Variants in FGF17 observed in about 807,000 individuals in gnomAD.
FGF17 encodes the protein fibroblast growth factor 17.
A neutral mutation model predicts 23.5 loss-of-function variants in FGF17; 5 were observed. That is an observed-to-expected ratio of 0.21 (90% CI 0.11 to 0.45). FGF17 has a LOEUF of 0.45. Ranked by LOEUF, FGF17 falls within the 20% of genes least tolerant of loss-of-function variation. The pLI is 0.99. For synonymous variants in FGF17, 136 were observed against 123.0 expected (o/e 1.11, Z -0.70); for missense variants, 221 against 306.9 (o/e 0.72, Z 2.09).
chr8:22,047,372 G>A (rs748116759), intron 4 of FGF17, among the ~76,000 whole-genome samples: 6 of 152,188 alleles, frequency 3.9e-5, no homozygotes, highest in East Asian at 1.9e-4. Flanking sequence ...CAAAGCACAC[G>A]GTAGGCCGGG....
intron 2 of FGF17, chr8:22,044,621 G>A: frequency 1.1e-6 from 1 of 949,064 alleles, no homozygotes; most frequent in Non-Finnish European, 1.3e-6. Context: ...CCACCCCCTG[G>A]AAGGGAGGCC....
chr8:22,039,933 G>A (rs759167421), upstream of FGF17, among the ~76,000 whole-genome samples: 1 of 152,110 alleles, frequency 6.6e-6, no homozygotes, highest in Non-Finnish European at 1.5e-5. Flanking sequence ...AGGCAGGCGT[G>A]AGACGACCCC....
At chr8:22,047,820 C>T in intron 4 of FGF17, 136 bp from the exon 5 acceptor site, 1 of 785,854 alleles carries the variant, frequency 1.3e-6, no homozygotes, top group Non-Finnish European at 2.0e-6. Context: ...TGCCATCTCA[C>T]CAGGCAGAGT....
intron 1 of FGF17, 48 bp from the exon 2 acceptor site, chr8:22,043,097 G>A: frequency 6.2e-7 from 1 of 1,609,210 alleles, no homozygotes; most frequent in Non-Finnish European, 8.5e-7. Flanking sequence ...TGCACCCTAG[G>A]CTTGCAGCTG....
intron 2 of FGF17, among the ~76,000 whole-genome samples, chr8:22,044,413 G>A (rs1001899250): frequency 2.2e-4 from 33 of 151,948 alleles, no homozygotes; most frequent in African/African-American, 7.7e-4. Context: ...CGCGGGGAGA[G>A]GGACTTGTGG....
At chr8:22,039,906 A>C (rs1800713470), upstream of FGF17, among the ~76,000 whole-genome samples, 1 of 151,946 alleles carries the variant, frequency 6.6e-6, no homozygotes, top group Non-Finnish European at 1.5e-5. Context: ...TGTTTGCACC[A>C]GCTGGGCTGT....
upstream of FGF17, chr8:22,042,670 C>T (rs991636081): frequency 1.1e-4 from 66 of 601,262 alleles, no homozygotes; most frequent in Admixed American, 2.9e-5. Context: ...CGCGCACGCC[C>T]CCACCCGCAT....
intron 4 of FGF17, 75 bp downstream of exon 4, chr8:22,046,708 C>G: frequency 1.1e-6 from 1 of 947,908 alleles, no homozygotes; most frequent in Non-Finnish European, 1.7e-6. Flanking sequence ...TCATGCTCCC[C>G]TCTCTCCTCT....
chr8:22,044,697 TGCAGAGGCTAG>T (rs1363784091), intron 2 of FGF17: 4 of 985,496 alleles, frequency 4.1e-6, no homozygotes, highest in Non-Finnish European at 3.6e-6. Context: ...GGGCAGGTCT[TGCAGAGGCTAG>T]GCAGAGGCTG....
At chr8:22,044,835 TA>T in intron 2 of FGF17, 1 of 985,554 alleles carries the variant, frequency 1.0e-6, no homozygotes, top group Non-Finnish European at 1.2e-6. Context: ...TCAAAGGTGA[TA>T]TTTCCCACCC....
Position 22,046,632 on chromosome 8 carries a change from A to C in FGF17, c.356A>C (p.Lys119Thr), listed in dbSNP as rs1402390957. 6.2e-7 allele frequency: 1 copy of C among 1,608,154 alleles called. No individual in the cohort carries two copies. The highest frequency in any genetic ancestry group is 1.1e-5 in the South Asian group (1 of 90,940). ...CMNKRGKLIG[K>T]PSGKSKDCVF... Reference sequence around the variant, plus strand: ...AACAAGAGGGGCAAGCTCATCGGGAAGGTGAGGCTGGGAGACTGGGAAGTA... The same window carrying C: ...AACAAGAGGGGCAAGCTCATCGGGACGGTGAGGCTGGGAGACTGGGAAGTA... The change falls in exon 4 of 5, where the codon AAG becomes ACG. Residue 119 changes from lysine (K) to threonine (T), a missense_variant and splice_region_variant. By Grantham distance (78) the Lys-to-Thr change is moderately conservative. This residue lies in a region of FGF17 where 128 missense variants were observed against 150.4 expected (regional missense o/e 0.85). Coordinates refer to ENST00000359441, the MANE Select transcript of FGF17 (RefSeq NM_003867.4).
At chr8:22,045,702 C>A (rs1222282476) in intron 2 of FGF17, 1 of 1,108,436 alleles carries the variant, frequency 9.0e-7, no homozygotes, top group African/African-American at 1.6e-5. Flanking sequence ...TGGAGCATGT[C>A]CTTGGAGTTC....
intron 2 of FGF17, chr8:22,045,197 G>T (rs867859584): frequency 5.1e-6 from 5 of 985,430 alleles, no homozygotes; most frequent in Middle Eastern, 5.2e-4. Context: ...TGCGTGGGGG[G>T]AAATGGTTCC....
chr8:22,045,377 C>T, intron 2 of FGF17: 6 of 988,294 alleles, frequency 6.1e-6, no homozygotes, highest in Non-Finnish European at 7.2e-6. Flanking sequence ...TAAGGAGGCA[C>T]CTTGCCTGCC....
At chr8:22,046,707 CCT>C (rs1800877517) in intron 4 of FGF17, 74 bp downstream of exon 4, 4 of 947,746 alleles carry the variant, frequency 4.2e-6, no homozygotes, top group Non-Finnish European at 6.7e-6. Flanking sequence ...ATCATGCTCC[CCT>C]CTCTCCTCTG....
intron 2 of FGF17, chr8:22,045,880 T>G: frequency 7.0e-7 from 1 of 1,427,028 alleles, no homozygotes; most frequent in Non-Finnish European, 9.2e-7. Flanking sequence ...TGTCAATAAG[T>G]GTCCCCCAGC....
upstream of FGF17, among the ~76,000 whole-genome samples, chr8:22,040,633 A>T (rs1429544205): frequency 6.6e-6 from 1 of 152,226 alleles, no homozygotes; most frequent in Non-Finnish European, 1.5e-5. Flanking sequence ...CCCTGTCCCC[A>T]TGGATAGAAA....
chr8:22,041,617 C>A (rs1175416120), upstream of FGF17, among the ~76,000 whole-genome samples: 1 of 152,158 alleles, frequency 6.6e-6, no homozygotes, highest in South Asian at 2.1e-4. Context: ...CGGATTCCAC[C>A]TTTAATCCTG....
At chr8:22,047,079 GC>G (rs1160306096) in intron 4 of FGF17, among the ~76,000 whole-genome samples, 1 of 151,780 alleles carries the variant, frequency 6.6e-6, no homozygotes, top group Non-Finnish European at 1.5e-5. Context: ...GAGCCACGGA[GC>G]CCGGCCTGGT....
Sources: gnomAD v4.1 joint callset for allele counts (sites outside exome capture counted in the v4.1 genomes callset) on GRCh38, gnomAD v4.1.1 for gene constraint, gnomAD v4.1.1 regional missense constraint, MANE v1.5 for transcripts, NCBI Gene and HGNC (gene_info 2026-07-23, HGNC 2026-07-21) for gene names.